Variants in MACROH2A2 observed in about 807,000 individuals in gnomAD.
MACROH2A2 encodes the protein core histone macro-H2A.2.
Under a neutral mutation model 37.6 loss-of-function variants are expected in MACROH2A2, and 6 were observed. The observed-to-expected ratio is 0.16, with a 90% confidence interval of 0.09 to 0.32. MACROH2A2 has a LOEUF of 0.32. Ranked by LOEUF, MACROH2A2 falls within the 10% of genes least tolerant of loss-of-function variation. MACROH2A2 has a pLI of 1.00. For synonymous variants in MACROH2A2, 192 were observed against 202.7 expected, an observed-to-expected ratio of 0.95 and a Z score of 0.45; for missense variants, 290 against 485.9, an observed-to-expected ratio of 0.60 and a Z score of 3.79.
chr10:70,094,743 A>G (rs2072264785), intron 5 of MACROH2A2, among the ~76,000 whole-genome samples: 2 of 152,228 alleles, frequency 1.3e-5, no homozygotes, highest in South Asian at 4.1e-4. Context: ...CACATGGGCC[A>G]ACAATAGAGA....
chr10:70,071,671 G>T (rs1433624509), intron 1 of MACROH2A2, among the ~76,000 whole-genome samples: 1 of 152,182 alleles, frequency 6.6e-6, no homozygotes, highest in African/African-American at 2.4e-5. Flanking sequence ...GTACACCTAG[G>T]CTATAATCCT....
At position 70,075,974 on chromosome 10, in the gene MACROH2A2, C is replaced by T; in HGVS notation, c.172+144C>T. 1.5e-6 allele frequency: 1 copy of T among 651,362 alleles called. No homozygotes were observed. Among genetic ancestry groups the T allele is most frequent in the East Asian group, 2.7e-5 (1 of 36,518 alleles). 40.3% of individuals were successfully genotyped at this position (651,362 alleles called of 1,614,324 possible). On this transcript the variant is annotated intron_variant, in intron 2 of 8. Coordinates refer to ENST00000373255, the MANE Select transcript of MACROH2A2 (RefSeq NM_018649.3). This position sits in a 1 kb window ranked among gnomAD's most constrained non-coding sequence, Gnocchi z 5.0. The stretch of plus-strand genomic sequence containing the variant: ...GGGTGGTGACAGGGTTGCAACTGGC[C>T]TGCTTGGCTAAAATCAACTTCTGCA...
intron 1 of MACROH2A2, among the ~76,000 whole-genome samples, chr10:70,058,177 A>G (rs1279656484): frequency 6.6e-6 from 1 of 152,226 alleles, no homozygotes; most frequent in East Asian, 1.9e-4. Flanking sequence ...CTGTCTTGTC[A>G]CAAAGTATTA....
chr10:70,069,069 G>A (rs1411319218), intron 1 of MACROH2A2, among the ~76,000 whole-genome samples: 3 of 152,166 alleles, frequency 2.0e-5, no homozygotes, highest in African/African-American at 4.8e-5. Context: ...AGTGAAATAC[G>A]GTAGTTATTT....
chr10:70,101,150 C>G (rs1056198599), intron 7 of MACROH2A2, among the ~76,000 whole-genome samples: 2 of 152,028 alleles, frequency 1.3e-5, no homozygotes, highest in Non-Finnish European at 2.9e-5. Flanking sequence ...TAATGTGTGG[C>G]GGTTGTGAAG....
Position 70,075,127 on chromosome 10 carries a change from C to T in MACROH2A2, c.-59-473C>T, listed in dbSNP as rs1211972459. On this transcript the variant is annotated intron_variant, in intron 1 of 8. Coordinates refer to ENST00000373255, the MANE Select transcript of MACROH2A2 (RefSeq NM_018649.3). This position sits in a 1 kb window ranked among gnomAD's most constrained non-coding sequence, Gnocchi z 5.0. ...TTTCCTTCTGTTCTCACATCTCTTA[C>T]TGCCCACTCTGACCCCCTGCCTCCG... Among the ~76,000 whole-genome samples the T allele has an allele frequency of 6.6e-6, 1 of 152,164 alleles. No homozygotes were observed. The highest frequency in any genetic ancestry group is 1.5e-5 in the Non-Finnish European group (1 of 68,028).
intron 3 of MACROH2A2, 26 bp downstream of exon 3, chr10:70,090,192 C>A: frequency 1.4e-6 from 2 of 1,473,690 alleles, no homozygotes; most frequent in Non-Finnish European, 1.9e-6. Flanking sequence ...TGAGGGAAGC[C>A]GTAGAATGGG....
intron 1 of MACROH2A2, among the ~76,000 whole-genome samples, chr10:70,059,852 G>T (rs566042282): frequency 7.2e-5 from 11 of 152,240 alleles, no homozygotes; most frequent in African/African-American, 2.6e-4. Context: ...GGATGGTGTG[G>T]TGTGGCCAGT....
chr10:70,095,728 C>T lies in MACROH2A2; in HGVS notation c.663C>T (p.Ala221=), dbSNP rs988498144. 1.6e-5 allele frequency: 26 copies of T among 1,578,570 alleles called. No individual in the cohort carries two copies. Among genetic ancestry groups the T allele is most frequent in the East Asian group, 4.5e-5 (2 of 44,714 alleles). The change falls in exon 6 of 9, where the codon GCC becomes GCT. Residue 221 remains alanine, a synonymous_variant. Transcript: ENST00000373255. ...AGGGCATTGTCCACCCAACCACAGC[C>T]GAAATTGACCTCAAAGAAGATATAG... ...RVEGIVHPTT[A]EIDLKEDIGK...
intron 3 of MACROH2A2, 50 bp downstream of exon 3, chr10:70,090,216 C>A (rs1028854673): frequency 1.7e-6 from 2 of 1,211,306 alleles, no homozygotes; most frequent in African/African-American, 3.0e-5. Context: ...GCCAAACATG[C>A]TAATGTGTGG....
At chr10:70,072,362 T>C (rs1287406068) in intron 1 of MACROH2A2, among the ~76,000 whole-genome samples, 1 of 152,170 alleles carries the variant, frequency 6.6e-6, no homozygotes, top group Admixed American at 6.5e-5. Context: ...GTCTTCCACC[T>C]TCACATCTTG....
intron 1 of MACROH2A2, among the ~76,000 whole-genome samples, chr10:70,062,798 A>G (rs2072057420): frequency 6.6e-6 from 1 of 152,196 alleles, no homozygotes; most frequent in South Asian, 2.1e-4. Context: ...ATGCTGTTGT[A>G]TGTTCTCACC....
intron 2 of MACROH2A2, among the ~76,000 whole-genome samples, chr10:70,088,139 C>T (rs1021473787): frequency 6.6e-6 from 1 of 152,036 alleles, no homozygotes; most frequent in African/African-American, 2.4e-5. Context: ...CCCGCCTGCA[C>T]ACTCACACAC....
At chr10:70,065,110 G>A (rs1001782171) in intron 1 of MACROH2A2, among the ~76,000 whole-genome samples, 8 of 151,340 alleles carry the variant, frequency 5.3e-5, no homozygotes, top group African/African-American at 1.9e-4. Context: ...GCAGTGGCAG[G>A]ACCTTGGCTC....
At position 70,111,548 on chromosome 10, in the gene MACROH2A2, G is replaced by A. The variant is rs781171533; in HGVS notation, c.984G>A (p.Gln328=). The part of the protein sequence containing the change: ...RNCFPKQTAA[Q]VTLKAISAHF... ...GCTTTCCCAAACAGACTGCGGCCCA[G>A]GTGACCCTCAAAGCCATCTCAGCCC... The change falls in exon 9 of 9, where the codon CAG becomes CAA. Residue 328 remains glutamine, a synonymous_variant. Coordinates refer to ENST00000373255, the MANE Select transcript of MACROH2A2 (RefSeq NM_018649.3). The A allele has an allele frequency of 3.7e-6, 6 of 1,613,658 alleles. No homozygotes were observed. The South Asian group carries it at 5.5e-5, about 15-fold the overall frequency.
chr10:70,079,878 G>A (rs796956163), intron 2 of MACROH2A2, among the ~76,000 whole-genome samples: 6 of 152,314 alleles, frequency 3.9e-5, no homozygotes, highest in African/African-American at 1.2e-4. Context: ...AGGATGATAT[G>A]AATCTTGTAG....
chr10:70,079,144 G>A (rs902399835), intron 2 of MACROH2A2, among the ~76,000 whole-genome samples: 2 of 152,134 alleles, frequency 1.3e-5, no homozygotes, highest in Non-Finnish European at 2.9e-5. Flanking sequence ...CTGCGGGTTG[G>A]GGGAAGGGCT....
intron 1 of MACROH2A2, among the ~76,000 whole-genome samples, chr10:70,068,228 T>C (rs369230712): frequency 1.3e-5 from 2 of 152,168 alleles, no homozygotes; most frequent in East Asian, 1.9e-4. Context: ...GTCAGAAGTA[T>C]AGGTTTAAGC....
At chr10:70,110,159 G>A (rs977296627) in intron 8 of MACROH2A2, among the ~76,000 whole-genome samples, 7 of 152,106 alleles carry the variant, frequency 4.6e-5, no homozygotes, top group African/African-American at 1.4e-4. Context: ...GAATACATGC[G>A]ATTGGGAAGA....
Sources: allele counts gnomAD v4.1 joint callset (sites outside exome capture counted in the v4.1 genomes callset), GRCh38; gene constraint gnomAD v4.1.1; non-coding constraint Gnocchi (gnomAD v3.1); transcripts MANE v1.5; gene names NCBI Gene and HGNC (gene_info 2026-07-23, HGNC 2026-07-21).